Variants in ABCG1 observed in about 807,000 individuals in gnomAD.
ABCG1 encodes ATP-binding cassette sub-family G member 1.
Under a neutral mutation model 69.2 loss-of-function variants are expected in ABCG1, and 29 were observed. The observed-to-expected ratio is 0.42, with a 90% CI of 0.31 to 0.57. The LOEUF (loss-of-function observed/expected upper bound fraction) is 0.57, where lower values mean the gene tolerates loss of function less well. ABCG1 is among the 20% of genes least tolerant of loss of function. The probability of loss-of-function intolerance (pLI) is 0.15; values close to 1 mark genes in which losing one functional copy is unlikely to be tolerated. For synonymous variants in ABCG1, 370 were observed against 374.8 expected (o/e 0.99, Z 0.15); for missense variants, 718 against 898.1 (o/e 0.80, Z 2.56).
At chr21:42,248,907 A>C (rs941536247) in intron 2 of ABCG1, among the ~76,000 whole-genome samples, 6 of 151,260 alleles carry the variant, frequency 4.0e-5, no homozygotes, top group African/African-American at 1.5e-4. Flanking sequence ...TCTCTCAAAA[A>C]AAAAAAAAAA....
chr21:42,267,528 G>C (rs139654890), intron 2 of ABCG1, among the ~76,000 whole-genome samples: 1,851 of 150,530 alleles, frequency 0.012, 32 homozygotes, highest in African/African-American at 0.042. Context: ...TCTGGGTCTG[G>C]TCTGGGTTCT....
At chr21:42,278,656 G>A (rs1396939324) in intron 5 of ABCG1, among the ~76,000 whole-genome samples, 3 of 152,212 alleles carry the variant, frequency 2.0e-5, no homozygotes, top group African/African-American at 7.2e-5. Flanking sequence ...CCAGAATTGA[G>A]GCGGGAGTTT....
chr21:42,237,831 G>A (rs979626424), intron 2 of ABCG1, among the ~76,000 whole-genome samples: 3 of 152,184 alleles, frequency 2.0e-5, no homozygotes, highest in African/African-American at 7.2e-5. Flanking sequence ...GCACAGCACC[G>A]TGGATGGACA....
rs968753000 is a variant in ABCG1 at position 42,285,786 on chromosome 21, C to T, written c.859-94C>T. 5.1e-5 allele frequency: 43 copies of T among 844,446 alleles called. 2 individuals carry two copies. The highest frequency in any genetic ancestry group is 5.0e-4 in the South Asian group (35 of 69,818). 52.3% of individuals were successfully genotyped at this position (844,446 alleles called of 1,614,324 possible). A position where few individuals can be genotyped will look rare whatever the true frequency, so the allele number is the denominator to read the frequency against. Reference sequence around the variant, plus strand: ...CTGATCGCTGGGCTGACTGATTGATCGGTTGATTGATTGGTTGATTGATTG... The same window carrying T: ...CTGATCGCTGGGCTGACTGATTGATTGGTTGATTGATTGGTTGATTGATTG... On this transcript the variant is annotated intron_variant, in intron 7 of 14. Coordinates refer to ENST00000398449, the MANE Select transcript of ABCG1 (RefSeq NM_016818.3).
rs1011986735 is a variant in ABCG1 at position 42,296,395 on chromosome 21, C to T, written c.*3C>T. ...ACAAAATCCGGGCAGAGAGGTAAAACACCTGAATGCCAGGAAACAGGAAGA... is the reference window on the plus strand; with the variant it reads ...ACAAAATCCGGGCAGAGAGGTAAAATACCTGAATGCCAGGAAACAGGAAGA... On this transcript the variant is annotated 3_prime_UTR_variant, in exon 15 of 15. Transcript: ENST00000398449. The surrounding 1 kb of genome is among the most constrained non-coding windows in gnomAD (Gnocchi z 5.4). The T allele has an allele frequency of 1.1e-5, 17 of 1,610,790 alleles. No homozygotes were observed. Among genetic ancestry groups the T allele is most frequent in the Non-Finnish European group, 1.4e-5 (17 of 1,178,440 alleles).
chr21:42,294,326 G>A (rs549487798), intron 13 of ABCG1, among the ~76,000 whole-genome samples: 1 of 152,288 alleles, frequency 6.6e-6, no homozygotes, highest in African/African-American at 2.4e-5. Flanking sequence ...GGAGGCTCTG[G>A]GGCTGCCACG....
chr21:42,273,422 A>C lies in ABCG1; in HGVS notation c.524A>C (p.Gln175Pro). ...DDMLLPHLTV[Q>P]EAMMVSAHLK... ...ATGCTGCTGCCGCATCTCACTGTGC[A>C]GGAGGCCATGATGGTGAGCTCCGCC... The change falls in exon 4 of 15, where the codon CAG becomes CCG. Residue 175 changes from glutamine to proline, a missense_variant. Transcript: ENST00000398449. This position sits in a 1 kb window ranked among gnomAD's most constrained non-coding sequence, Gnocchi z 5.3. The C allele has an allele frequency of 7.4e-6, 12 of 1,613,698 alleles. No homozygotes were observed. Among genetic ancestry groups the C allele is most frequent in the Non-Finnish European group, 1.0e-5 (12 of 1,179,876 alleles).
At chr21:42,211,748 G>A (rs2067591550), upstream of ABCG1, among the ~76,000 whole-genome samples, 1 of 151,912 alleles carries the variant, frequency 6.6e-6, no homozygotes, top group Admixed American at 6.6e-5. Context: ...AATTAGCTGG[G>A]CACGGTGGCA....
Position 42,296,320 on chromosome 21 carries a change from C to T in ABCG1, c.1929C>T (p.Leu643=), listed in dbSNP as rs200531217. Residue 643 remains leucine (L), a synonymous_variant, in exon 15 of 15, where the codon CTC becomes CTT. Coordinates refer to ENST00000398449, the MANE Select transcript of ABCG1 (RefSeq NM_016818.3). The surrounding 1 kb of genome is among the most constrained non-coding windows in gnomAD (Gnocchi z 5.4). The part of the protein sequence containing the change: ...NAKLYLDFIV[L]GIFFISLRLI... ...AGCTGTACCTGGACTTCATCGTACTCGGGATTTTCTTCATCTCCCTCCGCC... is the reference window on the plus strand; with the variant it reads ...AGCTGTACCTGGACTTCATCGTACTTGGGATTTTCTTCATCTCCCTCCGCC... The T allele has an allele frequency of 3.2e-4, 512 of 1,614,138 alleles. 5 individuals carry two copies. The Middle Eastern group carries it at 5.4e-3, about 17-fold the overall frequency.
chr21:42,282,383 A>G lies in ABCG1; in HGVS notation c.698A>G (p.Asn233Ser). Residue 233 changes from asparagine (N) to serine (S), a missense_variant, in exon 6 of 15, where the codon AAC (asparagine) becomes AGC (serine). This residue lies in a region of ABCG1 where 514 missense variants were observed against 574.3 expected (regional missense o/e 0.90). Transcript: ENST00000398449. ...CTGGCCATCGCGCTGGAGCTGGTGA[A>G]CAACCCTCCAGTCATGTTCTTCGAT... The part of the protein sequence containing the change: ...KRLAIALELV[N>S]NPPVMFFDEP... 5.0e-6 allele frequency: 8 copies of G among 1,613,890 alleles called. No individual in the cohort carries two copies. The highest frequency in any genetic ancestry group is 2.2e-5 in the East Asian group (1 of 44,862).
At chr21:42,213,935 A>C (rs573836621), upstream of ABCG1, among the ~76,000 whole-genome samples, 1 of 152,344 alleles carries the variant, frequency 6.6e-6, no homozygotes, top group East Asian at 1.9e-4. Flanking sequence ...AGTCCCACTC[A>C]CATCTGATTT....
chr21:42,267,468 G>T (rs548404216), intron 2 of ABCG1, among the ~76,000 whole-genome samples: 1 of 151,186 alleles, frequency 6.6e-6, no homozygotes, highest in Non-Finnish European at 1.5e-5. Context: ...TCTGGTCTGG[G>T]TTCTGTCTGG....
At chr21:42,289,867 T>G (rs1245814179) in intron 10 of ABCG1, among the ~76,000 whole-genome samples, 183 bp from the exon 11 acceptor site, 1 of 152,148 alleles carries the variant, frequency 6.6e-6, no homozygotes, top group East Asian at 1.9e-4. Flanking sequence ...TGTGTGAGTG[T>G]GTGTGTGTAT....
intron 2 of ABCG1, among the ~76,000 whole-genome samples, chr21:42,210,883 A>G (rs1186925969): frequency 2.0e-5 from 3 of 152,182 alleles, no homozygotes; most frequent in African/African-American, 7.2e-5. Context: ...TGCTGGAGAC[A>G]GAATACCATT....
At chr21:42,256,738 T>C in intron 2 of ABCG1, 3 of 1,367,484 alleles carry the variant, frequency 2.2e-6, no homozygotes. Context: ...AGGCTCTGGC[T>C]CTTCAGAAAT....
intron 13 of ABCG1, among the ~76,000 whole-genome samples, chr21:42,293,228 T>C (rs1347365530): frequency 1.3e-4 from 11 of 86,284 alleles, no homozygotes; most frequent in East Asian, 3.9e-4. Flanking sequence ...CACTACACAC[T>C]ACACACCACA....
chr21:42,268,281 T>C (rs1859540715), intron 2 of ABCG1, among the ~76,000 whole-genome samples: 1 of 152,154 alleles, frequency 6.6e-6, no homozygotes, highest in Admixed American at 6.5e-5. Context: ...GATGGTCGCA[T>C]CTTCGCTTTA....
chr21:42,290,007 C>T (rs367992454), intron 10 of ABCG1, 43 bp from the exon 11 acceptor site: 30 of 1,613,304 alleles, frequency 1.9e-5, no homozygotes, highest in Middle Eastern at 1.6e-4. Context: ...GAGCCGAGGA[C>T]GGCTTTGCGA....
chr21:42,246,716 C>T (rs560423340), intron 2 of ABCG1, among the ~76,000 whole-genome samples: 23 of 152,276 alleles, frequency 1.5e-4, no homozygotes, highest in Admixed American at 1.3e-4. Context: ...ATATAGTCCA[C>T]GCTCCACATT....
Sources: gnomAD v4.1 joint callset for allele counts (sites outside exome capture counted in the v4.1 genomes callset) on GRCh38, gnomAD v4.1.1 for gene constraint, gnomAD v4.1.1 regional missense constraint, Gnocchi (gnomAD v3.1) non-coding constraint, MANE v1.5 for transcripts, NCBI Gene and HGNC (gene_info 2026-07-23, HGNC 2026-07-21) for gene names.